The following NRXN3 variants were observed in gnomAD, a reference collection of about 807,000 sequenced individuals.
NRXN3 encodes the protein neurexin 3, also known as neurexin III.
NRXN3 carries 32 observed loss-of-function variants against 137.6 expected under a neutral mutation model. That is an observed-to-expected ratio of 0.23 (90% confidence interval 0.18 to 0.31). The LOEUF (loss-of-function observed/expected upper bound fraction) is 0.31. Among genes scored for constraint, NRXN3 ranks in the 10% least tolerant of loss-of-function variants. NRXN3 has a pLI of 1.00. For synonymous variants in NRXN3, 798 were observed against 784.5 expected (o/e 1.02, Z -0.29); for missense variants, 1,574 against 2,062.5 (o/e 0.76, Z 4.59).
chr14:79,071,492 G>T (rs2099687728), intron 15 of NRXN3, among the ~76,000 whole-genome samples: 1 of 152,120 alleles, frequency 6.6e-6, no homozygotes, highest in Non-Finnish European at 1.5e-5. Flanking sequence ...TCACCCTTTT[G>T]TCATGTATCT....
chr14:78,518,394 T>G (rs902293388), intron 4 of NRXN3, among the ~76,000 whole-genome samples: 2 of 152,152 alleles, frequency 1.3e-5, no homozygotes, highest in Admixed American at 1.3e-4. Flanking sequence ...GGTGGGGATC[T>G]AATCCAGTCC....
intron 18 of NRXN3, among the ~76,000 whole-genome samples, chr14:79,692,794 G>T (rs186006791): frequency 8.6e-5 from 13 of 151,408 alleles, no homozygotes; most frequent in African/African-American, 2.9e-4. Flanking sequence ...TGTTCTTAAA[G>T]AAAAAAATGA....
intron 10 of NRXN3, among the ~76,000 whole-genome samples, chr14:78,920,893 A>C (rs947745436): frequency 6.6e-6 from 1 of 152,220 alleles, no homozygotes. Flanking sequence ...CCCTGCCAGC[A>C]TGATGATATG....
chr14:78,661,211 A>G (rs776594901), intron 6 of NRXN3, among the ~76,000 whole-genome samples: 9 of 152,222 alleles, frequency 5.9e-5, no homozygotes, highest in Non-Finnish European at 1.0e-4. Flanking sequence ...AGAGTGATCA[A>G]TATAACTGCC....
At chr14:79,677,825 T>C (rs941573421) in intron 17 of NRXN3, among the ~76,000 whole-genome samples, 1 of 152,196 alleles carries the variant, frequency 6.6e-6, no homozygotes, top group African/African-American at 2.4e-5. Flanking sequence ...TCTTGTTTTA[T>C]TTCCATTTCC....
intron 16 of NRXN3, among the ~76,000 whole-genome samples, chr14:79,534,686 G>GA (rs969079348): frequency 7.4e-5 from 11 of 149,598 alleles, no homozygotes; most frequent in Admixed American, 1.3e-4. Context: ...AAACAAACCA[G>GA]AAAAAAAAAA....
At chr14:79,111,698 G>A (rs1286941204) in intron 15 of NRXN3, among the ~76,000 whole-genome samples, 10 of 150,246 alleles carry the variant, frequency 6.7e-5, no homozygotes, top group South Asian at 6.3e-4. Context: ...AGATCGCACC[G>A]TGGCACTCCA....
At chr14:78,786,920 A>T (rs544497111) in intron 8 of NRXN3, among the ~76,000 whole-genome samples, 4 of 152,322 alleles carry the variant, frequency 2.6e-5, no homozygotes, top group East Asian at 3.9e-4. Flanking sequence ...GGTATGAAAT[A>T]AAAGGTATGA....
At chr14:78,763,123 A>G (rs1473225407) in intron 8 of NRXN3, among the ~76,000 whole-genome samples, 1 of 152,222 alleles carries the variant, frequency 6.6e-6, no homozygotes, top group Non-Finnish European at 1.5e-5. Flanking sequence ...AATATCCTGC[A>G]AAGTGCGGAT....
chr14:78,605,720 AAAAT>A (rs1311303915), intron 4 of NRXN3, among the ~76,000 whole-genome samples: 1 of 152,120 alleles, frequency 6.6e-6, no homozygotes, highest in Non-Finnish European at 1.5e-5. Flanking sequence ...TTCTTTAAAA[AAAAT>A]AAAACAAAAA....
At chr14:79,752,459 C>A (rs2154091018) in intron 19 of NRXN3, among the ~76,000 whole-genome samples, 1 of 152,250 alleles carries the variant, frequency 6.6e-6, no homozygotes, top group East Asian at 1.9e-4. Flanking sequence ...GAAAGACAAG[C>A]AATGGGGAAA....
In NRXN3 at chr14:78,188,186, A is replaced by G. The variant is rs554362211; in HGVS notation, c.-704+17512A>G. Among the ~76,000 whole-genome samples, 12 of 151,858 alleles carry G rather than the reference A, an allele frequency of 7.9e-5. No homozygotes were observed. In the South Asian group the frequency reaches 2.5e-3, roughly 31 times the overall value. On this transcript the variant is annotated intron_variant, in intron 1 of 20. Coordinates refer to ENST00000335750, the MANE Select transcript of NRXN3 (RefSeq NM_001330195.2). ...CTGCAGGATTCAAGGTTTTTCCCCT[A>G]TAGGATACTTGTGTTTAGAAAAAGA...
intron 15 of NRXN3, among the ~76,000 whole-genome samples, chr14:79,257,343 C>CTGGTGGTGGTGGTGGTGGTGGTGGTGG (rs577147425): frequency 7.9e-5 from 1 of 12,692 alleles, no homozygotes; most frequent in Non-Finnish European, 1.5e-4. Flanking sequence ...TGTCTTATTC[C>CTGGTGGTGGTGGTGGTGGTGGTGGTGG]TGGTGGTGGT....
chr14:79,270,151 T>C (rs1179947817), intron 15 of NRXN3, among the ~76,000 whole-genome samples: 1 of 152,202 alleles, frequency 6.6e-6, no homozygotes, highest in Admixed American at 6.5e-5. Flanking sequence ...CTCCATCCTC[T>C]TGCTTCAGGG....
At chr14:78,638,644 C>T (rs2097586435) in intron 4 of NRXN3, among the ~76,000 whole-genome samples, 1 of 152,178 alleles carries the variant, frequency 6.6e-6, no homozygotes, top group Admixed American at 6.5e-5. Flanking sequence ...CAGCAGATAA[C>T]TTGGATGTCT....
At chr14:78,845,525 T>TC (rs2099024078) in intron 10 of NRXN3, among the ~76,000 whole-genome samples, 2 of 152,030 alleles carry the variant, frequency 1.3e-5, no homozygotes, top group African/African-American at 4.8e-5. Context: ...TATGATTTCC[T>TC]CCCCACTGAC....
intron 10 of NRXN3, among the ~76,000 whole-genome samples, chr14:78,827,863 G>A (rs779541716): frequency 5.9e-5 from 9 of 152,294 alleles, no homozygotes; most frequent in South Asian, 2.1e-4. Context: ...ATGGAACAGC[G>A]TTTTCTTGTA....
intron 15 of NRXN3, among the ~76,000 whole-genome samples, chr14:79,403,772 A>G (rs542984831): frequency 1.3e-5 from 2 of 152,238 alleles, no homozygotes; most frequent in African/African-American, 4.8e-5. Context: ...CTGGTACAAC[A>G]TGTGTGGATT....
chr14:79,675,719 G>A (rs10130593), intron 17 of NRXN3, among the ~76,000 whole-genome samples: 1 of 151,846 alleles, frequency 6.6e-6, no homozygotes, highest in Non-Finnish European at 1.5e-5. Context: ...CTCCATTTAC[G>A]TATAGTTAAA....
Sources: allele counts gnomAD v4.1 joint callset (sites outside exome capture counted in the v4.1 genomes callset), GRCh38; gene constraint gnomAD v4.1.1; transcripts MANE v1.5; gene names NCBI Gene and HGNC (gene_info 2026-07-23, HGNC 2026-07-21).